HGFAC: variants seen among roughly 807,000 people sequenced by gnomAD.
The protein encoded by HGFAC is HGF activator, also known as hepatocyte growth factor activator serine protease.
A neutral mutation model predicts 70.6 loss-of-function variants in HGFAC; 76 were observed. The ratio of observed to expected loss-of-function variants is 1.08; its 90% CI spans 0.89 to 1.30. The LOEUF is 1.30. Among genes scored for constraint, HGFAC ranks in the 50% most tolerant of loss-of-function variants. The pLI, the probability that HGFAC is intolerant of heterozygous loss-of-function variation, is 0.00. For synonymous variants in HGFAC, 464 were observed against 405.3 expected (o/e 1.14, Z -1.74); for missense variants, 1,044 against 933.7 (o/e 1.12, Z -1.54).
At chr4:3,448,066 G>A (rs144703254) in intron 12 of HGFAC, 31 bp downstream of exon 12, 16,460 of 1,556,298 alleles carry the variant, frequency 0.011, 149 homozygotes, top group Non-Finnish European at 0.013. Context: ...CCAGCGCCCC[G>A]CCAGGGTGGA....
Position 3,442,770 on chromosome 4 carries a change from C to A in HGFAC, c.156C>A (p.Thr52=). The change falls in exon 2 of 14, where the codon ACC becomes ACA. Residue 52 remains threonine, a synonymous_variant. Coordinates refer to ENST00000382774, the MANE Select transcript of HGFAC (RefSeq NM_001528.4). ...CCCCAGAACCTAATGCCACAGCGACCCCTGCGATCCCCACTATCCTGGTGA... is the reference window on the plus strand; with the variant it reads ...CCCCAGAACCTAATGCCACAGCGACACCTGCGATCCCCACTATCCTGGTGA... ...TESPEPNATA[T]PAIPTILVTS... is the part of the protein sequence containing the mutation. 1 of 1,530,662 alleles carries A rather than the reference C, an allele frequency of 6.5e-7. No homozygotes were observed. Among genetic ancestry groups the A allele is most frequent in the Non-Finnish European group, 8.8e-7 (1 of 1,140,928 alleles). 94.8% of individuals were successfully genotyped at this position (1,530,662 alleles called of 1,614,324 possible).
At chr4:3,449,172 G>A in intron 13 of HGFAC, 65 bp from the exon 14 acceptor site, 4 of 1,463,246 alleles carry the variant, frequency 2.7e-6, no homozygotes, top group Non-Finnish European at 3.7e-6. Context: ...GCTGCCACTT[G>A]GGGGAGAGGG....
intron 8 of HGFAC, 87 bp downstream of exon 8, chr4:3,445,080 G>A: frequency 1.4e-6 from 2 of 1,419,704 alleles, no homozygotes; most frequent in Non-Finnish European, 1.9e-6. Context: ...TAGGACCCAG[G>A]CGGGGCCAGC....
At chr4:3,443,906 GGCGTAGAGAGGGCCCCTT>G in intron 4 of HGFAC, 115 bp from the exon 5 acceptor site, 1 of 970,084 alleles carries the variant, frequency 1.0e-6, no homozygotes, top group East Asian at 2.6e-5. Flanking sequence ...CACCCCGAGG[GGCGTAGAGAGGGCCCCTT>G]TGCTCTCAGA....
chr4:3,445,595 T>G (rs1725481762), intron 9 of HGFAC: 1 of 604,050 alleles, frequency 1.7e-6, no homozygotes, highest in South Asian at 2.0e-5. Context: ...CTGCCCAGCC[T>G]GGACCATGCC....
intron 10 of HGFAC, 78 bp downstream of exon 10, chr4:3,446,372 C>T: frequency 1.3e-6 from 2 of 1,503,322 alleles, no homozygotes; most frequent in Non-Finnish European, 8.9e-7. Context: ...CTGTCCCCAC[C>T]CGCTTGCGGA....
rs577456696 is a variant in HGFAC at position 3,446,070 on chromosome 4, G to A, written c.1131G>A (p.Pro377=). 38 of 1,609,104 alleles carry A rather than the reference G, an allele frequency of 2.4e-5. 1 individual carries two copies. Among genetic ancestry groups the A allele is most frequent in the African/African-American group, 9.3e-5 (7 of 74,948 alleles). The part of the protein sequence containing the change: ...CESLTRVQLS[P]DLLATLPEPA... ...CCCTCACCAGAGTCCAACTGTCACCGGATCTCCTGGCGACCCTGCCTGAGC... is the reference window on the plus strand; with the variant it reads ...CCCTCACCAGAGTCCAACTGTCACCAGATCTCCTGGCGACCCTGCCTGAGC... The change falls in exon 10 of 14, where the codon CCG becomes CCA. Residue 377 remains proline (P), a synonymous_variant. Coordinates refer to ENST00000382774, the MANE Select transcript of HGFAC (RefSeq NM_001528.4).
chr4:3,443,261 C>T (rs768852405), intron 3 of HGFAC, 80 bp from the exon 4 acceptor site: 2 of 1,388,084 alleles, frequency 1.4e-6, no homozygotes, highest in Non-Finnish European at 2.0e-6. Flanking sequence ...ACCCAGTGAA[C>T]CCAGAGACCC....
In HGFAC at chr4:3,444,733, G is replaced by T; in HGVS notation, c.841G>T (p.Glu281Ter). Residue 281 changes from glutamate to a stop codon, truncating the protein, a stop_gained and splice_region_variant, in exon 7 of 14, where the codon GAG becomes TAG. Transcript: ENST00000382774. LOFTEE classifies it high-confidence loss of function. ...CTTCGCTGGACGGCTCTGCAACATCGGTGAGTGGGTCAGCCCCCCGGGGTG... is the reference window on the plus strand; with the variant it reads ...CTTCGCTGGACGGCTCTGCAACATCTGTGAGTGGGTCAGCCCCCCGGGGTG... ...PGFAGRLCNI[E>*]PDERCFLGNG... 6.3e-7 allele frequency: 1 copy of T among 1,589,218 alleles called. No homozygotes were observed. The highest frequency in any genetic ancestry group is 1.7e-5 in the Admixed American group (1 of 58,602).
chr4:3,444,633 C>T lies in HGFAC; in HGVS notation c.741C>T (p.Ser247=). Residue 247 remains serine (S), a synonymous_variant, in exon 7 of 14, where the codon AGC becomes AGT. Coordinates refer to ENST00000382774, the MANE Select transcript of HGFAC (RefSeq NM_001528.4). ...CEGTRHTACL[S]SPCLNGGTCH... The stretch of plus-strand genomic sequence containing the variant: ...CGGCCCTGCCCCCAGCTTGTCTGAG[C>T]AGCCCTTGCCTGAACGGGGGCACCT... The T allele has an allele frequency of 1.9e-6, 3 of 1,594,918 alleles. No homozygotes were observed. The highest frequency in any genetic ancestry group is 3.6e-4 in the Middle Eastern group (2 of 5,592).
rs756480224 is a variant in HGFAC at position 3,444,653 on chromosome 4, G to A, written c.761G>A (p.Gly254Asp). 6.3e-7 allele frequency: 1 copy of A among 1,597,816 alleles called. No homozygotes were observed. The highest frequency in any genetic ancestry group is 2.2e-5 in the East Asian group (1 of 44,798). The change falls in exon 7 of 14, where the codon GGC becomes GAC. Residue 254 changes from glycine (G) to aspartate (D), a missense_variant. Coordinates refer to ENST00000382774, the MANE Select transcript of HGFAC (RefSeq NM_001528.4). ...ACLSSPCLNGGTCHLIVATGT... is the reference protein window; with the variant it reads ...ACLSSPCLNGDTCHLIVATGT... ...CTGAGCAGCCCTTGCCTGAACGGGG[G>A]CACCTGCCACCTGATCGTGGCCACC...
At position 3,444,975 on chromosome 4, in the gene HGFAC, G is replaced by A. The variant is rs545303850; in HGVS notation, c.998G>A (p.Gly333Asp). 1.5e-5 allele frequency: 24 copies of A among 1,596,212 alleles called. 1 individual carries two copies. The Admixed American group carries it at 3.8e-4, about 25-fold the overall frequency. The change falls in exon 8 of 14, where the codon GGC (glycine) becomes GAC (aspartate). Residue 333 changes from glycine to aspartate, a missense_variant. Coordinates refer to ENST00000382774, the MANE Select transcript of HGFAC (RefSeq NM_001528.4). The part of the protein sequence containing the change: ...SVGAAALLGL[G>D]PHAYCRNPDN... ...GGCGCCGCGGCCCTGCTGGGCCTGG[G>A]CCCCCATGCCTACTGCCGGTCAGCA...
upstream of HGFAC, chr4:3,441,950 C>A (rs1056764596): frequency 1.8e-6 from 2 of 1,095,496 alleles, no homozygotes; most frequent in Non-Finnish European, 2.5e-6. The surrounding 1 kb of genome is among the most constrained non-coding windows in gnomAD (Gnocchi z 6.0). Flanking sequence ...CCCCACCTGC[C>A]TTGGCCGCTC....
In HGFAC at chr4:3,444,058, C is replaced by T. The variant is rs151219260; in HGVS notation, c.495C>T (p.Ala165=). Residue 165 remains alanine (A), a synonymous_variant, in exon 5 of 14, where the codon GCC becomes GCT. Coordinates refer to ENST00000382774, the MANE Select transcript of HGFAC (RefSeq NM_001528.4). ...PGGPAALDPC[A]SGPCLNGGSC... is the part of the protein sequence containing the mutation. ...CCCCAGCTGCCCTGGATCCCTGTGC[C>T]TCCGGCCCCTGCCTCAATGGAGGCT... The T allele has an allele frequency of 9.7e-5, 156 of 1,607,260 alleles. No individual in the cohort carries two copies. In the Middle Eastern group the frequency reaches 2.7e-3, roughly 27 times the overall value.
At chr4:3,445,819 C>A in intron 9 of HGFAC, 1 of 1,484,482 alleles carries the variant, frequency 6.7e-7, no homozygotes, top group South Asian at 1.2e-5. Context: ...CTCCGTGTGT[C>A]CAGCCCCTCT....
chr4:3,443,792 G>A (rs920554145), intron 4 of HGFAC, among the ~76,000 whole-genome samples: 4 of 152,074 alleles, frequency 2.6e-5, no homozygotes, highest in Non-Finnish European at 5.9e-5. Context: ...CAGTGTGGGT[G>A]TCAGGCTTCC....
upstream of HGFAC, chr4:3,441,831 G>C: frequency 2.0e-6 from 1 of 512,738 alleles, no homozygotes; most frequent in Non-Finnish European, 3.4e-6. The surrounding 1 kb of genome is among the most constrained non-coding windows in gnomAD (Gnocchi z 6.0). Context: ...TAGGGTCAAA[G>C]TGAGGTGGGC....
chr4:3,445,393 T>A, intron 9 of HGFAC, 43 bp downstream of exon 9: 2 of 1,390,110 alleles, frequency 1.4e-6, no homozygotes, highest in Non-Finnish European at 2.0e-6. Context: ...CCCACCGAGG[T>A]CACAGCAGTT....
intron 10 of HGFAC, 25 bp from the exon 11 acceptor site, chr4:3,447,467 G>A (rs1275136295): frequency 6.2e-7 from 1 of 1,611,262 alleles, no homozygotes; most frequent in South Asian, 1.1e-5. Flanking sequence ...GCTGGTCCAT[G>A]CAGCCTCCAG....
Sources: allele counts gnomAD v4.1 joint callset (sites outside exome capture counted in the v4.1 genomes callset), GRCh38; gene constraint gnomAD v4.1.1; non-coding constraint Gnocchi (gnomAD v3.1); transcripts MANE v1.5; gene names NCBI Gene and HGNC (gene_info 2026-07-23, HGNC 2026-07-21).